Variants in PRIM2 observed in about 807,000 individuals in gnomAD.
PRIM2 encodes the protein DNA primase large subunit.
A neutral mutation model predicts 67.3 loss-of-function variants in PRIM2; 39 were observed. The observed-to-expected ratio is 0.58, with a 90% confidence interval of 0.45 to 0.76. The LOEUF (loss-of-function observed/expected upper bound fraction) is 0.76, where lower values mean the gene tolerates loss of function less well. Among genes scored for constraint, PRIM2 ranks in the 30% least tolerant of loss-of-function variants. PRIM2 has a pLI of 0.00. For missense variants in PRIM2, 398 were observed against 598.7 expected (o/e 0.66, Z 3.50); for synonymous variants, 143 against 198.7 (o/e 0.72, Z 2.36).
chr6:57,585,493 C>T (rs1407904973), intron 10 of PRIM2, among the ~76,000 whole-genome samples: 5 of 152,182 alleles, frequency 3.3e-5, no homozygotes, highest in South Asian at 2.1e-4. Context: ...TGAAAAATTA[C>T]GGAGATGAAA....
chr6:57,475,093 C>T (rs1298970985), intron 7 of PRIM2, among the ~76,000 whole-genome samples: 26 of 152,094 alleles, frequency 1.7e-4, no homozygotes, highest in African/African-American at 5.8e-4. Context: ...GCCAGAAGGG[C>T]CTATGGAGAA....
intron 10 of PRIM2, among the ~76,000 whole-genome samples, chr6:57,551,808 T>G (rs1348110608): frequency 1.3e-5 from 2 of 152,212 alleles, no homozygotes; most frequent in African/African-American, 4.8e-5. Flanking sequence ...GGAATGCTGT[T>G]TAGTGCCTGG....
chr6:57,272,353 T>C, the PRIM2 span, among the ~76,000 whole-genome samples: 1 of 152,230 alleles, frequency 6.6e-6, no homozygotes, highest in African/African-American at 2.4e-5. Flanking sequence ...GCTCTTCTTA[T>C]TGAATTGATC....
At chr6:57,630,714 T>G (rs1452290137) in intron 12 of PRIM2, among the ~76,000 whole-genome samples, 1 of 152,134 alleles carries the variant, frequency 6.6e-6, no homozygotes, top group African/African-American at 2.4e-5. Context: ...TCTTTACTTC[T>G]CCAAAATTCT....
the PRIM2 span, among the ~76,000 whole-genome samples, chr6:57,267,368 A>G: frequency 7.2e-5 from 11 of 152,278 alleles, no homozygotes; most frequent in Non-Finnish European, 1.2e-4. Flanking sequence ...TAAGACTGGC[A>G]AAAGAGGAAC....
chr6:57,315,131 T>C (rs1164100019), upstream of PRIM2, among the ~76,000 whole-genome samples: 1 of 152,220 alleles, frequency 6.6e-6, no homozygotes, highest in Admixed American at 6.5e-5. Flanking sequence ...GGCTACTTCG[T>C]CTTTTAATTG....
intron 10 of PRIM2, among the ~76,000 whole-genome samples, chr6:57,553,346 A>G (rs1275465649): frequency 2.0e-5 from 3 of 152,070 alleles, no homozygotes; most frequent in Admixed American, 1.3e-4. Flanking sequence ...TTTTATCACA[A>G]TAATGCTTTT....
chr6:57,531,990 T>C (rs1237750676), intron 8 of PRIM2, among the ~76,000 whole-genome samples: 1 of 152,162 alleles, frequency 6.6e-6, no homozygotes, highest in Non-Finnish European at 1.5e-5. Context: ...CATTAGTCAA[T>C]AAGGCACCTG....
chr6:57,634,776 G>A (rs1777091836), intron 13 of PRIM2, among the ~76,000 whole-genome samples: 1 of 151,856 alleles, frequency 6.6e-6, no homozygotes, highest in African/African-American at 2.4e-5. Context: ...CTCAAGTATT[G>A]CCACTATTGC....
At chr6:57,292,953 C>A in the PRIM2 span, among the ~76,000 whole-genome samples, 1 of 152,060 alleles carries the variant, frequency 6.6e-6, no homozygotes, top group South Asian at 2.1e-4. Context: ...ATGAAAACAC[C>A]AAAAGCAATG....
At chr6:57,568,229 G>A (rs1354506854) in intron 10 of PRIM2, among the ~76,000 whole-genome samples, 1 of 152,110 alleles carries the variant, frequency 6.6e-6, no homozygotes, top group Non-Finnish European at 1.5e-5. Flanking sequence ...TTTTCTAGGT[G>A]GATAGGTAGG....
intron 10 of PRIM2, among the ~76,000 whole-genome samples, chr6:57,564,900 G>GC (rs1484992562): frequency 6.6e-6 from 1 of 152,196 alleles, no homozygotes; most frequent in Non-Finnish European, 1.5e-5. Context: ...CAGCATGAAA[G>GC]CAACCATCAA....
the PRIM2 span, among the ~76,000 whole-genome samples, chr6:57,232,082 G>T: frequency 6.6e-6 from 1 of 152,128 alleles, no homozygotes; most frequent in African/African-American, 2.4e-5. Flanking sequence ...TTCTTCCAAA[G>T]ATTTCTTTTT....
chr6:57,369,469 T>C (rs1264794305), intron 5 of PRIM2, among the ~76,000 whole-genome samples: 1 of 152,230 alleles, frequency 6.6e-6, no homozygotes, highest in Admixed American at 6.5e-5. Flanking sequence ...ATTCAGGTAC[T>C]GACTGTTGAG....
At position 57,486,531 on chromosome 6, in the gene PRIM2, T is replaced by C. The variant is rs1212641667; in HGVS notation, c.694-20856T>C. Among the ~76,000 whole-genome samples the C allele has an allele frequency of 6.6e-5, 10 of 152,214 alleles. 1 individual carries two copies. Among genetic ancestry groups the C allele is most frequent in the Admixed American group, 5.9e-4 (9 of 15,282 alleles). The stretch of plus-strand genomic sequence containing the variant: ...CCTTATGTTCTTAGTCACAGATCCG[T>C]CCTTAGGGAAAGTGAGGCCTTGCCT... On this transcript the variant is annotated intron_variant, in intron 7 of 13. Coordinates refer to ENST00000615550, the MANE Select transcript of PRIM2 (RefSeq NM_000947.5).
intron 5 of PRIM2, among the ~76,000 whole-genome samples, chr6:57,375,633 C>T (rs1321537399): frequency 6.7e-6 from 1 of 149,844 alleles, no homozygotes; most frequent in Non-Finnish European, 1.5e-5. Context: ...TTCACTGTAG[C>T]CTTAAACTCC....
intron 6 of PRIM2, among the ~76,000 whole-genome samples, chr6:57,381,773 G>A (rs1289231133): frequency 5.9e-5 from 9 of 152,110 alleles, no homozygotes; most frequent in Non-Finnish European, 1.2e-4. Context: ...CAGAGGTTAA[G>A]GAATAAAAGT....
intron 1 of PRIM2, 41 bp from the exon 2 acceptor site, chr6:57,318,396 G>A: frequency 6.7e-7 from 1 of 1,494,720 alleles, no homozygotes; most frequent in Non-Finnish European, 9.0e-7. Flanking sequence ...CCCCAACTTT[G>A]TTTTCCATCA....
At chr6:57,379,315 A>G (rs1171349287) in intron 5 of PRIM2, among the ~76,000 whole-genome samples, 3 of 134,308 alleles carry the variant, frequency 2.2e-5, no homozygotes, top group Non-Finnish European at 4.7e-5. Flanking sequence ...TTTGTCACTT[A>G]TATTTCATCT....
Sources: allele counts gnomAD v4.1 joint callset (sites outside exome capture counted in the v4.1 genomes callset), GRCh38; gene constraint gnomAD v4.1.1; transcripts MANE v1.5; gene names NCBI Gene and HGNC (gene_info 2026-07-23, HGNC 2026-07-21).